NCALD: variants seen among roughly 807,000 people sequenced by gnomAD.
The protein encoded by NCALD is neurocalcin delta, also known as neurocalcin-delta.
Under a neutral mutation model 18.6 loss-of-function variants are expected in NCALD, and 10 were observed. That is an observed-to-expected ratio of 0.54 (90% CI 0.33 to 0.91). The LOEUF (loss-of-function observed/expected upper bound fraction) is 0.91, where lower values mean the gene tolerates loss of function less well. NCALD is among the 40% of genes least tolerant of loss of function. The pLI is 0.03. For synonymous variants in NCALD, 88 were observed against 87.4 expected, an observed-to-expected ratio of 1.01 and a Z score of -0.04; for missense variants, 184 against 247.6, an observed-to-expected ratio of 0.74 and a Z score of 1.72.
chr8:102,019,530 T>A (rs1475304792), intron 2 of NCALD, among the ~76,000 whole-genome samples: 1 of 152,144 alleles, frequency 6.6e-6, no homozygotes, highest in Admixed American at 6.5e-5. Flanking sequence ...TTAGTAAAAT[T>A]TCTTTCCTCA....
intron 1 of NCALD, among the ~76,000 whole-genome samples, chr8:102,077,653 AG>A (rs1307555375): frequency 6.6e-6 from 1 of 152,176 alleles, no homozygotes; most frequent in Non-Finnish European, 1.5e-5. Context: ...CAAACTTAGT[AG>A]ACAGCAGGCC....
intron 1 of NCALD, among the ~76,000 whole-genome samples, chr8:102,100,660 C>T (rs591500): frequency 0.49 from 74,405 of 151,994 alleles, 18,715 homozygotes; most frequent in East Asian, 0.59. Flanking sequence ...CAAACGTTCA[C>T]CAACAGATGA....
At chr8:102,040,312 A>G (rs1823004244) in intron 1 of NCALD, among the ~76,000 whole-genome samples, 1 of 151,646 alleles carries the variant, frequency 6.6e-6, no homozygotes, top group South Asian at 2.1e-4. Flanking sequence ...CATCTCTACT[A>G]AAAACACAAA....
intron 2 of NCALD, among the ~76,000 whole-genome samples, chr8:101,696,038 A>C (rs1441521436): frequency 6.6e-6 from 1 of 151,876 alleles, no homozygotes; most frequent in Non-Finnish European, 1.5e-5. Flanking sequence ...AAACCCCTTA[A>C]AGACTTAATC....
At chr8:102,030,605 G>A (rs1396434734) in intron 1 of NCALD, among the ~76,000 whole-genome samples, 1 of 152,190 alleles carries the variant, frequency 6.6e-6, no homozygotes, top group Non-Finnish European at 1.5e-5. Flanking sequence ...TAAGGGGCTG[G>A]GCACAGTGGC....
chr8:102,027,701 T>C (rs1822510711), intron 1 of NCALD, among the ~76,000 whole-genome samples: 1 of 152,180 alleles, frequency 6.6e-6, no homozygotes, highest in African/African-American at 2.4e-5. Flanking sequence ...ATTCTCATGG[T>C]GCTGTAAGGA....
intron 4 of NCALD, among the ~76,000 whole-genome samples, chr8:101,804,561 A>ATATATAATTAATATAATTAATTATATAT (rs1813014355): frequency 8.2e-6 from 1 of 121,408 alleles, no homozygotes; most frequent in African/African-American, 3.3e-5. Flanking sequence ...TGATTATATA[A>ATATATAATTAATATAATTAATTATATAT]TATATAATTA....
intron 1 of NCALD, among the ~76,000 whole-genome samples, chr8:101,749,531 C>A (rs887394735): frequency 4.6e-5 from 7 of 152,138 alleles, no homozygotes; most frequent in African/African-American, 9.7e-5. Context: ...ATATGACAGG[C>A]TAGCTATATA....
chr8:102,081,580 C>CCCCAA (rs765058767), intron 1 of NCALD, among the ~76,000 whole-genome samples: 4 of 123,570 alleles, frequency 3.2e-5, no homozygotes, highest in African/African-American at 5.9e-5. Context: ...AAAAAAACCC[C>CCCCAA]AAAAAAAACT....
In NCALD at chr8:102,025,750, A is replaced by G. The variant is rs577316244; in HGVS notation, c.-209-5461T>C. 1.8e-3 allele frequency among the ~76,000 whole-genome samples: 277 copies of G among 152,352 alleles called. 2 individuals are homozygous for G. The highest frequency in any genetic ancestry group is 6.1e-3 in the African/African-American group (255 of 41,580). On this transcript the variant is annotated intron_variant, in intron 1 of 6. Transcript: ENST00000311028. ...CATGTGGATCCTTAAGTATAACAAA[A>G]GGTGTGCAGAGGAGGAACGTATGTC...
At chr8:102,076,080 G>C (rs1266838768) in intron 1 of NCALD, among the ~76,000 whole-genome samples, 1 of 151,652 alleles carries the variant, frequency 6.6e-6, no homozygotes. Context: ...TATTATAAAG[G>C]AATATAAAAC....
At chr8:101,967,426 C>T (rs942978880) in intron 2 of NCALD, among the ~76,000 whole-genome samples, 65 of 152,134 alleles carry the variant, frequency 4.3e-4, no homozygotes, top group Non-Finnish European at 4.9e-4. Flanking sequence ...GGTAAAGATG[C>T]CTTACTTCCT....
chr8:102,016,282 C>T (rs907323681), intron 2 of NCALD, among the ~76,000 whole-genome samples: 2 of 152,146 alleles, frequency 1.3e-5, no homozygotes, highest in Non-Finnish European at 2.9e-5. Context: ...AGGTTGGCTG[C>T]CTTGAAGAGA....
In NCALD at chr8:101,833,204, C is replaced by T. The variant is rs557563238; in HGVS notation, c.-20+53937G>A. Among the ~76,000 whole-genome samples, 76 of 152,238 alleles carry T rather than the reference C, an allele frequency of 5.0e-4. 1 individual carries two copies. The South Asian group carries it at 0.014, about 27-fold the overall frequency. ...ATTTTAATGTGTACACAGATCACCT[C>T]GGGATCTTGGTAAACTTCAGATTCT... On this transcript the variant is annotated intron_variant, in intron 4 of 6. Coordinates refer to the NCALD transcript ENST00000311028.
At chr8:102,034,381 A>G (rs1013511986) in intron 1 of NCALD, among the ~76,000 whole-genome samples, 1 of 152,234 alleles carries the variant, frequency 6.6e-6, no homozygotes, top group Non-Finnish European at 1.5e-5. Flanking sequence ...GGATAATTGC[A>G]TCAACAGAAG....
chr8:101,704,133 T>C (rs1315926923), intron 2 of NCALD, among the ~76,000 whole-genome samples: 2 of 152,160 alleles, frequency 1.3e-5, no homozygotes, highest in African/African-American at 4.8e-5. Flanking sequence ...ACCTGGAAAG[T>C]TCAAACTGTT....
At chr8:101,756,089 T>A (rs1370768445) in intron 1 of NCALD, among the ~76,000 whole-genome samples, 1 of 152,148 alleles carries the variant, frequency 6.6e-6, no homozygotes, top group Admixed American at 6.5e-5. Context: ...CCCACCTTTT[T>A]TTTTTTTAAA....
chr8:101,743,967 C>A (rs992501049), intron 1 of NCALD, among the ~76,000 whole-genome samples: 4 of 152,096 alleles, frequency 2.6e-5, no homozygotes, highest in African/African-American at 9.7e-5. Flanking sequence ...CCTTTAAACC[C>A]GAGAGAAGTT....
In NCALD at chr8:102,000,356, C is replaced by T. The variant is rs112302214; in HGVS notation, c.-157+19881G>A. Among the ~76,000 whole-genome samples the T allele has an allele frequency of 3.7e-3, 568 of 152,046 alleles. 3 individuals carry two copies. Among genetic ancestry groups the T allele is most frequent in the African/African-American group, 0.013 (525 of 41,534 alleles). ...GTACCCGCCATTGCCGAGGGGTGCC[C>T]GCCATTCCCAGCCAAAGCAGCTGGG... is the stretch of plus-strand genomic sequence containing the variant. On this transcript the variant is annotated intron_variant, in intron 2 of 6. Transcript: ENST00000311028.
Sources: gnomAD v4.1 joint callset for allele counts (sites outside exome capture counted in the v4.1 genomes callset) on GRCh38, gnomAD v4.1.1 for gene constraint, MANE v1.5 for transcripts, NCBI Gene and HGNC (gene_info 2026-07-23, HGNC 2026-07-21) for gene names.